The following STX6 variants were observed in gnomAD, a reference collection of about 807,000 sequenced individuals.
STX6 encodes the protein syntaxin 6.
STX6 carries 23 observed loss-of-function variants against 38.0 expected under a neutral mutation model. The observed-to-expected ratio is 0.60, with a 90% CI of 0.43 to 0.86. The LOEUF is 0.86. Ranked by LOEUF, STX6 falls within the 40% of genes least tolerant of loss-of-function variation. The pLI is 0.00. For synonymous variants in STX6, 123 were observed against 107.5 expected (o/e 1.14, Z -0.89); for missense variants, 274 against 312.9 (o/e 0.88, Z 0.94).
At chr1:180,986,124 ACAGGCACATCAT>A (rs1161136142) in intron 6 of STX6, among the ~76,000 whole-genome samples, 1 of 152,220 alleles carries the variant, frequency 6.6e-6, no homozygotes, top group Non-Finnish European at 1.5e-5. Context: ...TGAAGACAAA[ACAGGCACATCAT>A]CAGGCACATC....
chr1:180,988,740 G>A (rs544782741), intron 5 of STX6: 1 of 164,680 alleles, frequency 6.1e-6, no homozygotes, highest in African/African-American at 2.4e-5. Context: ...GACTGCCACA[G>A]CTTAAATACA....
chr1:181,020,267 T>C (rs896719135), intron 1 of STX6, among the ~76,000 whole-genome samples: 4 of 152,202 alleles, frequency 2.6e-5, no homozygotes, highest in Non-Finnish European at 5.9e-5. Flanking sequence ...TTATTTCTGA[T>C]GAAAATTTAA....
At chr1:181,016,932 C>CA (rs1369925093) in intron 1 of STX6, among the ~76,000 whole-genome samples, 1 of 151,374 alleles carries the variant, frequency 6.6e-6, no homozygotes, top group Non-Finnish European at 1.5e-5. Flanking sequence ...ACTAAAAATA[C>CA]AAAAACTATC....
At chr1:180,989,606 G>T (rs1409309900) in intron 5 of STX6, among the ~76,000 whole-genome samples, 1 of 151,910 alleles carries the variant, frequency 6.6e-6, no homozygotes, top group Admixed American at 6.6e-5. Context: ...TTTTCTAAGA[G>T]AACTAACTGA....
chr1:181,019,525 G>A (rs1656666078), intron 1 of STX6, among the ~76,000 whole-genome samples: 6 of 152,182 alleles, frequency 3.9e-5, no homozygotes, highest in Admixed American at 3.3e-4. Context: ...CAGTGTGGGT[G>A]CATGTAGAGT....
intron 1 of STX6, among the ~76,000 whole-genome samples, chr1:181,007,366 C>CT (rs1415695646): frequency 6.6e-6 from 1 of 151,970 alleles, no homozygotes; most frequent in Non-Finnish European, 1.5e-5. Context: ...TGCAACCATT[C>CT]TTTTTTTACT....
At chr1:180,988,392 T>C (rs1485304248) in intron 5 of STX6, 47 bp from the exon 6 acceptor site, 1 of 1,483,242 alleles carries the variant, frequency 6.7e-7, no homozygotes, top group Admixed American at 1.7e-5. Context: ...CCATCTTACC[T>C]GGTTCCAAGC....
At chr1:181,012,034 T>A (rs537693079) in intron 1 of STX6, among the ~76,000 whole-genome samples, 80 of 152,278 alleles carry the variant, frequency 5.3e-4, no homozygotes, top group Admixed American at 8.5e-4. Flanking sequence ...ATCAGAAAAA[T>A]TAAAGTTTGA....
chr1:180,987,344 G>A (rs959253818), intron 6 of STX6, among the ~76,000 whole-genome samples: 7 of 152,134 alleles, frequency 4.6e-5, no homozygotes, highest in African/African-American at 1.7e-4. Flanking sequence ...GCATGCACTG[G>A]CCCCATCACA....
intron 4 of STX6, among the ~76,000 whole-genome samples, chr1:180,992,319 T>C (rs945367957): frequency 2.7e-4 from 41 of 152,222 alleles, no homozygotes; most frequent in Admixed American, 2.6e-3. Context: ...TTAAGTTAGG[T>C]GATATTTATA....
intron 1 of STX6, among the ~76,000 whole-genome samples, chr1:181,016,417 T>C (rs746106611): frequency 1.2e-4 from 19 of 152,216 alleles, no homozygotes; most frequent in Admixed American, 2.0e-4. Context: ...CTTTCACTTA[T>C]CTGCATAGTG....
In STX6 at chr1:180,984,770, T is replaced by C. The variant is rs575757003; in HGVS notation, c.598A>G (p.Met200Val). The C allele has an allele frequency of 2.6e-5, 39 of 1,514,578 alleles. No individual in the cohort carries two copies. In the South Asian group the frequency reaches 2.8e-4, roughly 11 times the overall value. The allele number at this position is 1,514,578 out of a possible 1,614,324, so 93.8% of individuals were successfully genotyped here. A position where few individuals can be genotyped will look rare whatever the true frequency, so the allele number is the denominator to read the frequency against. The change falls in exon 7 of 8, where the codon ATG (methionine) becomes GTG (valine). Residue 200 changes from methionine (M) to valine (V), a missense_variant and splice_region_variant. Met to Val is a conservative substitution (Grantham distance 21, BLOSUM62 1). Coordinates refer to ENST00000258301, the MANE Select transcript of STX6 (RefSeq NM_005819.6). ...AATTCGTGAGAGAAATCTTCCAACA[T>C]ACTAGAGAGAAGCAGACACAGAAGG... is the stretch of plus-strand genomic sequence containing the variant. ...IGGELEEQAVMLEDFSHELES... is the reference protein window; with the variant it reads ...IGGELEEQAVVLEDFSHELES...
intron 6 of STX6, 123 bp downstream of exon 6, chr1:180,988,116 G>A (rs928292528): frequency 7.8e-6 from 5 of 643,004 alleles, no homozygotes; most frequent in Admixed American, 5.5e-5. Flanking sequence ...GAATAAAAAT[G>A]CAGCTATGAA....
At chr1:181,008,132 C>A (rs1020196964) in intron 1 of STX6, among the ~76,000 whole-genome samples, 1 of 152,184 alleles carries the variant, frequency 6.6e-6, no homozygotes, top group African/African-American at 2.4e-5. Flanking sequence ...AGGTTAGCTG[C>A]AATGTGGATC....
At chr1:180,994,623 T>G (rs538334525) in intron 3 of STX6, among the ~76,000 whole-genome samples, 1 of 152,148 alleles carries the variant, frequency 6.6e-6, no homozygotes, top group African/African-American at 2.4e-5. Context: ...TCACTCACGG[T>G]GGATTTCATG....
chr1:180,986,443 A>G (rs1211353918), intron 6 of STX6, among the ~76,000 whole-genome samples: 1 of 152,250 alleles, frequency 6.6e-6, no homozygotes, highest in Non-Finnish European at 1.5e-5. Context: ...CTCAATTCAG[A>G]CTGGCCACAT....
intron 1 of STX6, among the ~76,000 whole-genome samples, chr1:181,019,103 A>G (rs182044148): frequency 2.0e-5 from 3 of 152,330 alleles, no homozygotes; most frequent in Admixed American, 2.0e-4. Flanking sequence ...GTGCTTACTT[A>G]GCACTTTACA....
intron 1 of STX6, among the ~76,000 whole-genome samples, chr1:181,012,676 T>TC (rs1305283396): frequency 5.3e-5 from 8 of 150,150 alleles, no homozygotes; most frequent in African/African-American, 1.7e-4. Context: ...TCCATTCTTT[T>TC]TTTTTTTTTT....
At chr1:181,020,926 A>G (rs1656707556) in intron 1 of STX6, among the ~76,000 whole-genome samples, 1 of 152,204 alleles carries the variant, frequency 6.6e-6, no homozygotes, top group Non-Finnish European at 1.5e-5. Flanking sequence ...AAATCTGGAT[A>G]CACCTTCATG....
Sources: allele counts gnomAD v4.1 joint callset (sites outside exome capture counted in the v4.1 genomes callset), GRCh38; gene constraint gnomAD v4.1.1; transcripts MANE v1.5; gene names NCBI Gene and HGNC (gene_info 2026-07-23, HGNC 2026-07-21).